The following KIF6 variants were observed in gnomAD, a reference collection of about 807,000 sequenced individuals.
The protein encoded by KIF6 is kinesin family member 6.
Under a neutral mutation model 112.7 loss-of-function variants are expected in KIF6, and 106 were observed. The observed-to-expected ratio is 0.94, with a 90% CI of 0.80 to 1.11. KIF6 has a LOEUF of 1.11. KIF6 is among the 50% of genes least tolerant of loss of function. The pLI, the probability that KIF6 is intolerant of heterozygous loss-of-function variation, is 0.00. For synonymous variants in KIF6, 339 were observed against 339.9 expected (o/e 1.00, Z 0.03); for missense variants, 929 against 964.0 (o/e 0.96, Z 0.48).
Position 39,334,900 on chromosome 6 carries a change from T to G in KIF6, c.*1632A>C, listed in dbSNP as rs553160543. ...TTTACAGAGGGCTTACTATGTTCCA[T>G]TGAACTGTGAGGGCCAGGAGTGGAC... On this transcript the variant is annotated 3_prime_UTR_variant, in exon 23 of 23. Transcript: ENST00000287152. The G allele has an allele frequency of 1.3e-5, 2 of 152,194 alleles. No homozygotes were observed. Among genetic ancestry groups the G allele is most frequent in the Non-Finnish European group, 2.9e-5 (2 of 68,056 alleles). 9.4% of individuals were successfully genotyped at this position (152,194 alleles called of 1,614,324 possible).
chr6:39,603,869 T>C (rs1489823039), intron 6 of KIF6, among the ~76,000 whole-genome samples: 1 of 152,196 alleles, frequency 6.6e-6, no homozygotes, highest in East Asian at 1.9e-4. Context: ...TTTTATTCCA[T>C]TCCTGTGTAC....
intron 16 of KIF6, among the ~76,000 whole-genome samples, chr6:39,373,502 A>G (rs1456658881): frequency 6.6e-6 from 1 of 152,208 alleles, no homozygotes; most frequent in Admixed American, 6.5e-5. Flanking sequence ...CTTTTGGTTG[A>G]TAAGTGAGTT....
In KIF6 at chr6:39,539,227, A is replaced by G. The variant is rs150560825; in HGVS notation, c.1645+776T>C. 2.0e-5 allele frequency among the ~76,000 whole-genome samples: 3 copies of G among 152,148 alleles called. No homozygotes were observed. In the East Asian group the frequency reaches 5.8e-4, roughly 29 times the overall value. ...AAACTTAAAGTATAATAATAATAAAATAAAATTAAAAAAAAAAGCTGGAAA... is the reference window on the plus strand; with the variant it reads ...AAACTTAAAGTATAATAATAATAAAGTAAAATTAAAAAAAAAAGCTGGAAA... On this transcript the variant is annotated intron_variant, in intron 13 of 22. Coordinates refer to ENST00000287152, the MANE Select transcript of KIF6 (RefSeq NM_145027.6).
chr6:39,489,095 C>A (rs1775307983), intron 13 of KIF6, among the ~76,000 whole-genome samples: 1 of 152,188 alleles, frequency 6.6e-6, no homozygotes, highest in Non-Finnish European at 1.5e-5. Context: ...TACAGCTACC[C>A]TCTATATCTT....
chr6:39,450,438 ATTACT>A (rs1279385144), intron 13 of KIF6, among the ~76,000 whole-genome samples: 1 of 152,230 alleles, frequency 6.6e-6, no homozygotes, highest in Non-Finnish European at 1.5e-5. Context: ...TGCAAAAGGC[ATTACT>A]TTACTTTTTC....
intron 13 of KIF6, among the ~76,000 whole-genome samples, chr6:39,500,338 G>A (rs1040150187): frequency 6.6e-6 from 1 of 152,222 alleles, no homozygotes; most frequent in African/African-American, 2.4e-5. Context: ...AGTCCCCAGA[G>A]TCCAGAGGGA....
chr6:39,345,653 G>A (rs768879836), intron 21 of KIF6, 47 bp downstream of exon 21: 13 of 1,504,538 alleles, frequency 8.6e-6, no homozygotes, highest in Admixed American at 3.7e-5. Flanking sequence ...GGCCCACTCC[G>A]CCCACTGCAG....
intron 3 of KIF6, among the ~76,000 whole-genome samples, chr6:39,674,660 C>T (rs1387542150): frequency 6.6e-6 from 1 of 151,614 alleles, no homozygotes; most frequent in African/African-American, 2.4e-5. Context: ...CTGATCAATA[C>T]CCACTGACAG....
chr6:39,468,430 G>C (rs1773926026), intron 13 of KIF6, among the ~76,000 whole-genome samples: 1 of 152,100 alleles, frequency 6.6e-6, no homozygotes, highest in South Asian at 2.1e-4. Flanking sequence ...CTACATCATA[G>C]TTAAAATGTT....
In KIF6 at chr6:39,343,207, C is replaced by T; in HGVS notation, c.2428+502G>A. ...GCCTTCTTCTCTTCCTGTTGTCTGA[C>T]ACGCCACTCTTACTTCCTCTGTGAT... On this transcript the variant is annotated intron_variant, in intron 22 of 22. Transcript: ENST00000287152. This position sits in a 1 kb window ranked among gnomAD's most constrained non-coding sequence, Gnocchi z 4.1. The T allele has an allele frequency of 1.6e-6, 2 of 1,217,688 alleles. No homozygotes were observed. Among genetic ancestry groups the T allele is most frequent in the South Asian group, 3.0e-5 (2 of 67,670 alleles). 75.4% of individuals were successfully genotyped at this position (1,217,688 alleles called of 1,614,324 possible). A position where few individuals can be genotyped will look rare whatever the true frequency, so the allele number is the denominator to read the frequency against.
chr6:39,454,170 A>G (rs552346222), intron 13 of KIF6, among the ~76,000 whole-genome samples: 3 of 152,316 alleles, frequency 2.0e-5, no homozygotes, highest in African/African-American at 7.2e-5. Flanking sequence ...AATAGTGGAA[A>G]CCTAAACTTT....
At chr6:39,499,563 T>C (rs1775991675) in intron 13 of KIF6, among the ~76,000 whole-genome samples, 1 of 152,138 alleles carries the variant, frequency 6.6e-6, no homozygotes, top group Non-Finnish European at 1.5e-5. Context: ...AACCCCTGCA[T>C]ACAACTCTGT....
intron 13 of KIF6, among the ~76,000 whole-genome samples, chr6:39,469,184 A>G (rs1432458983): frequency 6.6e-6 from 1 of 152,176 alleles, no homozygotes; most frequent in Non-Finnish European, 1.5e-5. Context: ...AATAAACAAT[A>G]AAAAATCATT....
intron 10 of KIF6, among the ~76,000 whole-genome samples, chr6:39,575,415 C>T (rs940615789): frequency 5.9e-5 from 9 of 152,036 alleles, no homozygotes; most frequent in East Asian, 1.9e-4. Flanking sequence ...GGACTACAGG[C>T]GCCCGCCACC....
chr6:39,715,600 T>C (rs1789802560), intron 2 of KIF6, among the ~76,000 whole-genome samples: 1 of 149,470 alleles, frequency 6.7e-6, no homozygotes. Context: ...GCCTCCTGGG[T>C]TCAAGCGATT....
intron 3 of KIF6, among the ~76,000 whole-genome samples, chr6:39,660,393 G>T (rs988361687): frequency 5.3e-5 from 8 of 152,166 alleles, no homozygotes; most frequent in Non-Finnish European, 1.2e-4. Context: ...TCAACCGCTT[G>T]AGGTATCATC....
chr6:39,545,236 A>C lies in KIF6; in HGVS notation c.1287+347T>G, dbSNP rs533703732. Among the ~76,000 whole-genome samples, 3 of 152,346 alleles carry C rather than the reference A, an allele frequency of 2.0e-5. No homozygotes were observed. In the East Asian group the frequency reaches 5.8e-4, roughly 29 times the overall value. On this transcript the variant is annotated intron_variant, in intron 11 of 22. Transcript: ENST00000287152. ...AAATTAAAACCTAAGGCAGAGAAAA[A>C]CTGAAATATCATATGGGTATATCAA...
chr6:39,574,270 A>G (rs1464121518), intron 10 of KIF6, among the ~76,000 whole-genome samples: 2 of 152,256 alleles, frequency 1.3e-5, no homozygotes, highest in Admixed American at 6.5e-5. Context: ...TAAAGAAGAT[A>G]TAACAAAATT....
chr6:39,362,607 C>A (rs551500992), intron 16 of KIF6, 89 bp from the exon 17 acceptor site: 1 of 986,304 alleles, frequency 1.0e-6, no homozygotes, highest in African/African-American at 1.6e-5. Context: ...TTCAAGGGCA[C>A]CCCAAGAAGA....
Sources: allele counts gnomAD v4.1 joint callset (sites outside exome capture counted in the v4.1 genomes callset), GRCh38; gene constraint gnomAD v4.1.1; non-coding constraint Gnocchi (gnomAD v3.1); transcripts MANE v1.5; gene names NCBI Gene and HGNC (gene_info 2026-07-23, HGNC 2026-07-21).